GSG1: variants seen among roughly 807,000 people sequenced by gnomAD.
GSG1 encodes germ cell associated 1.
A neutral mutation model predicts 30.8 loss-of-function variants in GSG1; 28 were observed. That is an observed-to-expected ratio of 0.91 (90% confidence interval 0.67 to 1.25). GSG1 has a LOEUF of 1.25. Among genes scored for constraint, GSG1 ranks in the 50% most tolerant of loss-of-function variants. The pLI, the probability that GSG1 is intolerant of heterozygous loss-of-function variation, is 0.00. For missense variants in GSG1, 435 were observed against 444.7 expected, an observed-to-expected ratio of 0.98 and a Z score of 0.20; for synonymous variants, 162 against 178.0, an observed-to-expected ratio of 0.91 and a Z score of 0.71.
At position 13,087,938 on chromosome 12, in the gene GSG1, G is replaced by A. The variant is rs376340949; in HGVS notation, c.603C>T (p.Ser201=). ...TGNPACGLKL[S]AFAAVSSVLS... The stretch of plus-strand genomic sequence containing the variant: ...GGACAGAGGAAACAGCAGCAAAGGC[G>A]CTCAGTTTGAGCCCACAGGCAGGGT... Residue 201 remains serine, a synonymous_variant, in exon 5 of 7, where the codon AGC becomes AGT. Coordinates refer to ENST00000651961, the MANE Select transcript of GSG1 (RefSeq NM_001080555.4). 3.0e-4 allele frequency: 479 copies of A among 1,614,156 alleles called. 7 individuals carry two copies. The South Asian group carries it at 4.8e-3, about 16-fold the overall frequency.
At chr12:13,088,187 G>A in intron 4 of GSG1, 128 bp from the exon 5 acceptor site, 1 of 956,546 alleles carries the variant, frequency 1.0e-6, no homozygotes, top group Non-Finnish European at 1.6e-6. Flanking sequence ...ATGAGGCACA[G>A]CTGAAACCAG....
Position 13,093,149 on chromosome 12 carries a change from A to G in GSG1, c.49-2331T>C, listed in dbSNP as rs1292877566. ...AAATAACATTAATACATATAAATAT[A>G]TAATTATATAATTAATAATTGACAA... On this transcript the variant is annotated intron_variant, in intron 1 of 6. Coordinates refer to ENST00000651961, the MANE Select transcript of GSG1 (RefSeq NM_001080555.4). The surrounding 1 kb of genome is among the most constrained non-coding windows in gnomAD (Gnocchi z 4.6). Among the ~76,000 whole-genome samples the G allele has an allele frequency of 2.0e-5, 3 of 151,314 alleles. No individual in the cohort carries two copies. Among genetic ancestry groups the G allele is most frequent in the Non-Finnish European group, 4.4e-5 (3 of 67,846 alleles).
chr12:13,086,767 T>G (rs1865562365), intron 6 of GSG1, among the ~76,000 whole-genome samples: 1 of 152,074 alleles, frequency 6.6e-6, no homozygotes, highest in South Asian at 2.1e-4. Flanking sequence ...TCAAAGCGAT[T>G]TCTCTATTTC....
intron 5 of GSG1, 114 bp downstream of exon 5, chr12:13,087,792 AT>A (rs1865680190): frequency 9.7e-7 from 1 of 1,032,212 alleles, no homozygotes; most frequent in Admixed American, 3.0e-5. Context: ...GCCTACCTCC[AT>A]TCTTTAAAGA....
intron 1 of GSG1, among the ~76,000 whole-genome samples, chr12:13,096,249 G>T (rs926659464): frequency 3.3e-5 from 5 of 151,980 alleles, no homozygotes; most frequent in Non-Finnish European, 7.4e-5. Flanking sequence ...CTAGGTGGGC[G>T]GATCACAAGG....
Position 13,093,302 on chromosome 12 carries a change from G to A in GSG1, c.49-2484C>T, listed in dbSNP as rs1047819388. ...GTTTTTGGCTTTGTCTTCACTGACA[G>A]GTAGTAGCACTGACTTGCTGAAGCA... On this transcript the variant is annotated intron_variant, in intron 1 of 6. Coordinates refer to ENST00000651961, the MANE Select transcript of GSG1 (RefSeq NM_001080555.4). This position sits in a 1 kb window ranked among gnomAD's most constrained non-coding sequence, Gnocchi z 4.6. Among the ~76,000 whole-genome samples the A allele has an allele frequency of 2.0e-5, 3 of 152,206 alleles. No individual in the cohort carries two copies. Among genetic ancestry groups the A allele is most frequent in the Admixed American group, 2.0e-4 (3 of 15,284 alleles).
chr12:13,102,886 C>A (rs1190859800), intron 1 of GSG1, among the ~76,000 whole-genome samples: 1 of 152,186 alleles, frequency 6.6e-6, no homozygotes, highest in Non-Finnish European at 1.5e-5. Context: ...GAGAGTCTTC[C>A]TGGTCTGGAA....
Position 13,088,955 on chromosome 12 carries a change from G to T in GSG1, c.434-46C>A, listed in dbSNP as rs770674516. 1.9e-6 allele frequency: 3 copies of T among 1,607,076 alleles called. No homozygotes were observed. In the East Asian group the frequency reaches 6.7e-5, roughly 36 times the overall value. Reference sequence around the variant, plus strand: ...CGTCATGGAGCTACTCCCTGGGATGGTTGGAATGAAAACCTTCCCCACCCC... The same window carrying T: ...CGTCATGGAGCTACTCCCTGGGATGTTTGGAATGAAAACCTTCCCCACCCC... On this transcript the variant is annotated intron_variant, in intron 3 of 6. Transcript: ENST00000651961.
intron 6 of GSG1, among the ~76,000 whole-genome samples, chr12:13,086,122 T>G (rs1369231171): frequency 6.6e-6 from 1 of 152,212 alleles, no homozygotes; most frequent in Non-Finnish European, 1.5e-5. Flanking sequence ...GGGCACTGTG[T>G]GTTCATATCT....
chr12:13,093,519 A>G lies in GSG1; in HGVS notation c.49-2701T>C, dbSNP rs1866364090. On this transcript the variant is annotated intron_variant, in intron 1 of 6. Coordinates refer to ENST00000651961, the MANE Select transcript of GSG1 (RefSeq NM_001080555.4). This position sits in a 1 kb window ranked among gnomAD's most constrained non-coding sequence, Gnocchi z 4.6. ...GGCTATTGAAACCTTTGGAAAGGAG[A>G]TGGGGCTTATGGTTCTGGGAGAGGT... Among the ~76,000 whole-genome samples the G allele has an allele frequency of 2.0e-5, 3 of 152,084 alleles. No individual in the cohort carries two copies.
At chr12:13,095,047 CAGA>C (rs750550875) in intron 1 of GSG1, among the ~76,000 whole-genome samples, 1 of 152,246 alleles carries the variant, frequency 6.6e-6, no homozygotes, top group Non-Finnish European at 1.5e-5. Context: ...AGGTTCCTTC[CAGA>C]AGGAGTGTCC....
chr12:13,085,293 G>A (rs753669399), intron 6 of GSG1, 50 bp from the exon 7 acceptor site: 1 of 1,517,322 alleles, frequency 6.6e-7, no homozygotes, highest in East Asian at 2.3e-5. Context: ...GGACTTTCTT[G>A]AGAGAAAAAT....
intron 4 of GSG1, among the ~76,000 whole-genome samples, chr12:13,088,305 ATT>A (rs1449238103): frequency 1.1e-4 from 17 of 152,198 alleles, no homozygotes; most frequent in Non-Finnish European, 2.2e-4. Context: ...TGTTGGGGAG[ATT>A]TGAGAAGAAA....
At position 13,084,881 on chromosome 12, in the gene GSG1, T is replaced by C. The variant is rs1865353816; in HGVS notation, c.*20A>G. ...CGTGTAAGGTAGGGCTCAAGCCTAC[T>C]CCCCAAACCCGCTTAACTCCTAACA... On this transcript the variant is annotated 3_prime_UTR_variant, in exon 7 of 7. Coordinates refer to ENST00000651961, the MANE Select transcript of GSG1 (RefSeq NM_001080555.4). 2 of 1,491,866 alleles carry C rather than the reference T, an allele frequency of 1.3e-6. No individual in the cohort carries two copies. The highest frequency in any genetic ancestry group is 1.8e-6 in the Non-Finnish European group (2 of 1,103,752). 92.4% of individuals were successfully genotyped at this position (1,491,866 alleles called of 1,614,324 possible).
At chr12:13,095,224 G>A (rs751517120) in intron 1 of GSG1, among the ~76,000 whole-genome samples, 2 of 152,104 alleles carry the variant, frequency 1.3e-5, no homozygotes, top group Non-Finnish European at 2.9e-5. Flanking sequence ...TGCTAGGGTC[G>A]GGATACCTCT....
chr12:13,084,279 G>C lies in GSG1; in HGVS notation c.*622C>G, dbSNP rs1372143165. On this transcript the variant is annotated 3_prime_UTR_variant, in exon 7 of 7. Transcript: ENST00000651961. Reference sequence around the variant, plus strand: ...TAGCCTTGGTGGGCTATTTCTAGAAGTGACCCTGACCCTGTGTGCTGTTGG... The same window carrying C: ...TAGCCTTGGTGGGCTATTTCTAGAACTGACCCTGACCCTGTGTGCTGTTGG... The C allele has an allele frequency of 2.0e-5, 3 of 152,296 alleles. No homozygotes were observed. The highest frequency in any genetic ancestry group is 4.4e-5 in the Non-Finnish European group (3 of 68,144). The allele number at this position is 152,296 out of a possible 1,614,324, so 9.4% of individuals were successfully genotyped here.
chr12:13,103,663 G>A lies in GSG1; in HGVS notation c.-151C>T, dbSNP rs1863378232. ...TGGTGTGTGGTGGATTGGAGAGGAT[G>A]TCCTGAGGGCCAGACACCAGCCAGG... On this transcript the variant is annotated 5_prime_UTR_variant, in exon 1 of 7. Transcript: ENST00000651961. The A allele has an allele frequency of 1.2e-6, 1 of 808,720 alleles. No homozygotes were observed. The highest frequency in any genetic ancestry group is 2.1e-5 in the Admixed American group (1 of 47,484). 50.1% of individuals were successfully genotyped at this position (808,720 alleles called of 1,614,324 possible).
intron 6 of GSG1, among the ~76,000 whole-genome samples, chr12:13,085,536 TC>T (rs1372159368): frequency 1.3e-5 from 2 of 152,028 alleles, no homozygotes; most frequent in African/African-American, 4.8e-5. Context: ...TGTGTGTATG[TC>T]TGTGCATATT....
At chr12:13,098,243 C>T (rs1324912106) in intron 1 of GSG1, among the ~76,000 whole-genome samples, 2 of 151,642 alleles carry the variant, frequency 1.3e-5, no homozygotes, top group African/African-American at 4.9e-5. Flanking sequence ...GCTTCCGTCA[C>T]GTGCTTCCCC....
Sources: allele counts gnomAD v4.1 joint callset (sites outside exome capture counted in the v4.1 genomes callset), GRCh38; gene constraint gnomAD v4.1.1; non-coding constraint Gnocchi (gnomAD v3.1); transcripts MANE v1.5; gene names NCBI Gene and HGNC (gene_info 2026-07-23, HGNC 2026-07-21).